Variants in ZNF534 observed in about 807,000 individuals in gnomAD.
ZNF534 encodes KRAB domain only 3.
Under a neutral mutation model 13.6 loss-of-function variants are expected in ZNF534, and 19 were observed. That is an observed-to-expected ratio of 1.40 (90% CI 0.97 to 2.05). The LOEUF (loss-of-function observed/expected upper bound fraction) is 2.05, where lower values mean the gene tolerates loss of function less well. Among genes scored for constraint, ZNF534 ranks in the 30% most tolerant of loss-of-function variants. The pLI, the probability that ZNF534 is intolerant of heterozygous loss-of-function variation, is 0.00. For synonymous variants in ZNF534, 244 were observed against 273.8 expected, an observed-to-expected ratio of 0.89 and a Z score of 1.07; for missense variants, 782 against 796.3, an observed-to-expected ratio of 0.98 and a Z score of 0.22.
chr19:52,449,954 G>C (rs1395689018), intron 4 of ZNF534, among the ~76,000 whole-genome samples: 1 of 152,136 alleles, frequency 6.6e-6, no homozygotes, highest in Non-Finnish European at 1.5e-5. Flanking sequence ...CGGGAAGGCA[G>C]ACGTTGCAGT....
chr19:52,450,672 T>TG (rs2059210223), intron 4 of ZNF534, among the ~76,000 whole-genome samples: 1 of 18,246 alleles, frequency 5.5e-5, no homozygotes, highest in Non-Finnish European at 1.3e-4. Context: ...TTTTAGGAGT[T>TG]TTTTTTTTTT....
At chr19:52,433,587 T>C (rs146928108) in intron 2 of ZNF534, among the ~76,000 whole-genome samples, 1,744 of 152,224 alleles carry the variant, frequency 0.011, 9 homozygotes, top group African/African-American at 0.015. Context: ...AAGATGGTCT[T>C]GATCTCCTGA....
Position 52,441,540 on chromosome 19 carries a change from G to A in ZNF534, c.*2094G>A, listed in dbSNP as rs377089852. 1.3e-5 allele frequency among the ~76,000 whole-genome samples: 2 copies of A among 152,108 alleles called. No homozygotes were observed. The highest frequency in any genetic ancestry group is 2.1e-4 in the South Asian group (1 of 4,822). On this transcript the variant is annotated 3_prime_UTR_variant, in exon 5 of 5. Transcript: ENST00000433050. ...CAAATATAAACAAACAATGTGAAAC[G>A]TCTTCAGTCACAAGTATTCCCTAAC...
intron 1 of ZNF534, 25 bp from the exon 2 acceptor site, chr19:52,431,383 T>G: frequency 1.3e-6 from 2 of 1,572,236 alleles, no homozygotes; most frequent in Middle Eastern, 1.7e-4. Flanking sequence ...TTCTAAGCCC[T>G]AAACAGCATT....
downstream of ZNF534, among the ~76,000 whole-genome samples, chr19:52,442,829 T>A (rs770208546): frequency 1.3e-4 from 20 of 152,250 alleles, no homozygotes; most frequent in Admixed American, 2.0e-4. Flanking sequence ...TATTAAATAT[T>A]GTCTGATTTA....
chr19:52,444,895 A>G (rs930848690), downstream of ZNF534, among the ~76,000 whole-genome samples: 1 of 152,134 alleles, frequency 6.6e-6, no homozygotes, highest in Admixed American at 6.5e-5. Flanking sequence ...GCAGTGGGCA[A>G]GCAGGGCTGA....
At chr19:52,433,210 G>A (rs866640764) in intron 2 of ZNF534, among the ~76,000 whole-genome samples, 8 of 121,960 alleles carry the variant, frequency 6.6e-5, no homozygotes, top group African/African-American at 2.5e-4. Context: ...CTGCACTCCA[G>A]TCTGGGAAAC....
chr19:52,430,826 G>A (rs34383246), intron 1 of ZNF534, among the ~76,000 whole-genome samples: 10,803 of 149,608 alleles, frequency 0.072, 556 homozygotes, highest in Non-Finnish European at 0.1. Context: ...GATTACAGGC[G>A]TGAACCACCA....
downstream of ZNF534, among the ~76,000 whole-genome samples, chr19:52,443,979 CCTT>C (rs990784489): frequency 7.9e-5 from 12 of 152,046 alleles, no homozygotes; most frequent in Admixed American, 3.9e-4. Context: ...TAATAACTGA[CCTT>C]CTGAATTATT....
Position 52,438,838 on chromosome 19 carries a change from C to G in ZNF534, c.1378C>G (p.His460Asp). 1 of 1,612,036 alleles carries G rather than the reference C, an allele frequency of 6.2e-7. No homozygotes were observed. The highest frequency in any genetic ancestry group is 8.5e-7 in the Non-Finnish European group (1 of 1,179,008). Residue 460 changes from histidine (H) to aspartate (D), a missense_variant, in exon 5 of 5, where the codon CAT becomes GAT. By Grantham distance (81) the His-to-Asp change is moderately conservative. Transcript: ENST00000433050. ...TTCCCTAACCTATCACTGTAGAATT[C>G]ATACTGGAGAGAAGCCTTACAAATG... is the stretch of plus-strand genomic sequence containing the variant. ...KSSLTYHCRI[H>D]TGEKPYKCNE...
In ZNF534 at chr19:52,439,964, A is replaced by G. The variant is rs920577841; in HGVS notation, c.*518A>G. Among the ~76,000 whole-genome samples the G allele has an allele frequency of 3.3e-5, 5 of 152,166 alleles. No homozygotes were observed. Among genetic ancestry groups the G allele is most frequent in the Admixed American group, 6.6e-5 (1 of 15,262 alleles). On this transcript the variant is annotated 3_prime_UTR_variant, in exon 5 of 5. Coordinates refer to ENST00000433050, the MANE Select transcript of ZNF534 (RefSeq NM_001143938.3). ...GCACTTGTGATCCCAGCTACTCAGGAGGCTGAGGCAGGAGAATTGCTTGAA... is the reference window on the plus strand; with the variant it reads ...GCACTTGTGATCCCAGCTACTCAGGGGGCTGAGGCAGGAGAATTGCTTGAA...
At chr19:52,443,780 T>G (rs142510585), downstream of ZNF534, among the ~76,000 whole-genome samples, 51 of 152,070 alleles carry the variant, frequency 3.4e-4, no homozygotes, top group African/African-American at 1.2e-3. Context: ...ACCTTGTCTT[T>G]GAGCTCTGAA....
In ZNF534 at chr19:52,438,272, A is replaced by G. The variant is rs1420892381; in HGVS notation, c.812A>G (p.Asn271Ser). 2 of 1,605,384 alleles carry G rather than the reference A, an allele frequency of 1.2e-6. No homozygotes were observed. Among genetic ancestry groups the G allele is most frequent in the Middle Eastern group, 1.6e-4 (1 of 6,064 alleles). Residue 271 changes from asparagine (N) to serine (S), a missense_variant, in exon 5 of 5, where the codon AAT becomes AGT. Asn to Ser is a conservative substitution (Grantham distance 46). Around this residue, in one of 5 missense-constraint regions of ZNF534, gnomAD observed 591 missense variants for 574.0 expected, o/e 1.03. Coordinates refer to ENST00000433050, the MANE Select transcript of ZNF534 (RefSeq NM_001143938.3). The stretch of plus-strand genomic sequence containing the variant: ...ATTCATACTGGACAGAAACCTTACA[A>G]TAACAAAGAATGTGGGAAAGTCTTT... ...QKIHTGQKPY[N>S]NKECGKVFSH...
rs2059153180 is a variant in ZNF534 at position 52,439,108 on chromosome 19, TA to T, written c.1649del (p.Tyr550SerfsTer82). 6.3e-7 allele frequency: 1 copy of T among 1,595,534 alleles called. No homozygotes were observed. ...GAATGTTCATACTGGAGAAAAGCCT[TA>T]CAGTTGTAATGAATGTGGCAAGGTC... ...HRNVHTGEKP[Y>X]SCNECGKVFS... On this transcript the variant is annotated frameshift_variant, in exon 5 of 5. Coordinates refer to ENST00000433050, the MANE Select transcript of ZNF534 (RefSeq NM_001143938.3). LOFTEE classifies it low-confidence loss of function (END_TRUNC).
downstream of ZNF534, among the ~76,000 whole-genome samples, chr19:52,443,422 C>G (rs534542145): frequency 6.6e-6 from 1 of 152,034 alleles, no homozygotes; most frequent in Admixed American, 6.5e-5. Context: ...TAACATAATC[C>G]GAGACTTCTT....
chr19:52,433,959 A>T lies in ZNF534; in HGVS notation c.20A>T (p.Gln7Leu), dbSNP rs1183739990. MALTQG[Q>L]LSFSDVAIEF... is the part of the protein sequence containing the mutation. ...GAAATGTGGATTTCCTTTTAGGGGCAATTGTCATTCAGCGATGTGGCCATA... is the reference window on the plus strand; with the variant it reads ...GAAATGTGGATTTCCTTTTAGGGGCTATTGTCATTCAGCGATGTGGCCATA... The change falls in exon 3 of 5, where the codon CAA becomes CTA. Residue 7 changes from glutamine to leucine, a missense_variant. This residue lies in a region of ZNF534 where 81 missense variants were observed against 63.5 expected (regional missense o/e 1.28). Coordinates refer to ENST00000433050, the MANE Select transcript of ZNF534 (RefSeq NM_001143938.3). The T allele has an allele frequency of 1.2e-6, 2 of 1,613,742 alleles. No homozygotes were observed. Among genetic ancestry groups the T allele is most frequent in the East Asian group, 2.2e-5 (1 of 44,868 alleles).
At chr19:52,435,019 A>C in intron 3 of ZNF534, 62 bp from the exon 4 acceptor site, 1 of 1,556,982 alleles carries the variant, frequency 6.4e-7, no homozygotes, top group Non-Finnish European at 8.6e-7. Context: ...CTCCTACCTA[A>C]ATATAGGGCT....
At chr19:52,431,609 A>C (rs2059087852) in intron 2 of ZNF534, 120 bp downstream of exon 2, 1 of 1,313,748 alleles carries the variant, frequency 7.6e-7, no homozygotes, top group Admixed American at 1.9e-5. Flanking sequence ...GCACTTACCC[A>C]TGGCTTCTTC....
Position 52,441,079 on chromosome 19 carries a change from T to C in ZNF534, c.*1633T>C, listed in dbSNP as rs2561003. 0.91 allele frequency among the ~76,000 whole-genome samples: 138,220 copies of C among 152,016 alleles called. 63,241 individuals carry two copies. The highest frequency in any genetic ancestry group is 0.96 in the Non-Finnish European group (65,546 of 67,992). ...GCCATCATGCCTGGCTAATTTTTTG[T>C]ATTTTTAGTAGAGACGGGGTTTCAC... On this transcript the variant is annotated 3_prime_UTR_variant, in exon 5 of 5. Transcript: ENST00000433050.
Sources: allele counts gnomAD v4.1 joint callset (sites outside exome capture counted in the v4.1 genomes callset), GRCh38; gene constraint gnomAD v4.1.1; regional missense constraint gnomAD v4.1.1; transcripts MANE v1.5; gene names NCBI Gene and HGNC (gene_info 2026-07-23, HGNC 2026-07-21).